The following C10orf67 variants were observed in gnomAD, a reference collection of about 807,000 sequenced individuals.
C10orf67 encodes uncharacterized protein C10orf67, mitochondrial.
A neutral mutation model predicts 35.6 loss-of-function variants in C10orf67; 60 were observed. The ratio of observed to expected loss-of-function variants is 1.68; its 90% confidence interval spans 1.37 to 2.09. The LOEUF is 2.09. Among genes scored for constraint, C10orf67 ranks in the 30% most tolerant of loss-of-function variants. C10orf67 has a pLI of 0.00. For synonymous variants in C10orf67, 167 were observed against 115.8 expected, an observed-to-expected ratio of 1.44 and a Z score of -2.84; for missense variants, 474 against 330.2, an observed-to-expected ratio of 1.44 and a Z score of -3.38.
chr10:23,294,256 G>A (rs758968594), intron 5 of C10orf67, among the ~76,000 whole-genome samples: 9 of 152,106 alleles, frequency 5.9e-5, no homozygotes, highest in East Asian at 5.8e-4. Context: ...AGATATGCTC[G>A]CAATGGAAGG....
chr10:23,249,334 G>A (rs111623351), intron 12 of C10orf67, among the ~76,000 whole-genome samples: 192 of 152,168 alleles, frequency 1.3e-3, no homozygotes, highest in African/African-American at 4.5e-3. Flanking sequence ...AGGAAATCAA[G>A]TGTATATTTA....
chr10:23,335,875 G>A (rs2132403443), intron 1 of C10orf67, among the ~76,000 whole-genome samples: 1 of 152,306 alleles, frequency 6.6e-6, no homozygotes, highest in Middle Eastern at 3.4e-3. Flanking sequence ...TACCTTAACA[G>A]TACCCTCAGC....
chr10:23,269,517 C>T (rs1185011217), intron 8 of C10orf67, among the ~76,000 whole-genome samples: 5 of 152,012 alleles, frequency 3.3e-5, no homozygotes, highest in African/African-American at 4.8e-5. Flanking sequence ...AAATAAATAA[C>T]GAAATAGTAG....
At chr10:23,266,547 G>T (rs1564479701) in intron 9 of C10orf67, 121 bp from the exon 10 acceptor site, 3 of 396,450 alleles carry the variant, frequency 7.6e-6, no homozygotes, top group Non-Finnish European at 1.3e-5. Context: ...TTCAGTCCTA[G>T]AGCGCATGGA....
At chr10:23,204,754 C>G (rs1841113304) in intron 15 of C10orf67, among the ~76,000 whole-genome samples, 1 of 152,092 alleles carries the variant, frequency 6.6e-6, no homozygotes, top group South Asian at 2.1e-4. Flanking sequence ...GGCTCTGAAA[C>G]TGGGGAATGG....
chr10:23,290,341 C>T lies in C10orf67; in HGVS notation c.851-383G>A, dbSNP rs137973654. Among the ~76,000 whole-genome samples, 7 of 152,290 alleles carry T rather than the reference C, an allele frequency of 4.6e-5. No homozygotes were observed. The East Asian group carries it at 9.6e-4, about 21-fold the overall frequency. ...TATGCCACAGCAGAAGAGAATGAGA[C>T]TATACTGGCATGGTAGAATTTTACA... On this transcript the variant is annotated intron_variant, in intron 6 of 15. Transcript: ENST00000636213.
chr10:23,210,745 T>G (rs1341358483), intron 15 of C10orf67, among the ~76,000 whole-genome samples: 1 of 152,194 alleles, frequency 6.6e-6, no homozygotes, highest in African/African-American at 2.4e-5. Context: ...TTATCAAACA[T>G]ATAGAGATCA....
intron 8 of C10orf67, among the ~76,000 whole-genome samples, chr10:23,273,594 T>C (rs1256550388): frequency 6.6e-6 from 1 of 152,208 alleles, no homozygotes; most frequent in East Asian, 1.9e-4. Flanking sequence ...ACAATCTCTC[T>C]TGATCTGAAG....
At chr10:23,314,472 A>G (rs950737686) in intron 4 of C10orf67, among the ~76,000 whole-genome samples, 3 of 143,748 alleles carry the variant, frequency 2.1e-5, no homozygotes, top group Non-Finnish European at 4.5e-5. Context: ...AAAGAAAAAA[A>G]ATTAAGTTAA....
chr10:23,248,562 G>C (rs191400002), intron 12 of C10orf67, among the ~76,000 whole-genome samples: 106 of 152,242 alleles, frequency 7.0e-4, no homozygotes, highest in African/African-American at 2.5e-3. Context: ...CTAAGGTGAG[G>C]TTTTTCATCT....
chr10:23,223,506 A>T, intron 15 of C10orf67, 92 bp downstream of exon 15: 1 of 700,246 alleles, frequency 1.4e-6, no homozygotes, highest in African/African-American at 1.8e-5. Flanking sequence ...CCAGAATACC[A>T]AATACCTCAG....
intron 2 of C10orf67, among the ~76,000 whole-genome samples, chr10:23,324,506 G>A (rs1845105710): frequency 6.6e-6 from 1 of 152,122 alleles, no homozygotes; most frequent in Non-Finnish European, 1.5e-5. Flanking sequence ...CAATAACTCT[G>A]GAAGTGCAGA....
At chr10:23,219,095 G>A (rs1588581828) in intron 15 of C10orf67, among the ~76,000 whole-genome samples, 2 of 152,194 alleles carry the variant, frequency 1.3e-5, no homozygotes, top group African/African-American at 4.8e-5. Flanking sequence ...TGGGTCCAAG[G>A]CTTCAAAGGG....
rs1841812097 is a variant in C10orf67 at position 23,228,578 on chromosome 10, A to C, written c.1435-4760T>G. Among the ~76,000 whole-genome samples the C allele has an allele frequency of 2.0e-5, 3 of 152,232 alleles. No homozygotes were observed. The South Asian group carries it at 6.2e-4, about 32-fold the overall frequency. The stretch of plus-strand genomic sequence containing the variant: ...CAAAAGCAATGGCAACAAAAGCCAA[A>C]ATTGATGAATGGGATCTGATTAAAC... On this transcript the variant is annotated intron_variant, in intron 13 of 15. Coordinates refer to ENST00000636213, the MANE Select transcript of C10orf67 (RefSeq NM_001371909.1).
chr10:23,328,026 A>G (rs1845265136), intron 2 of C10orf67, among the ~76,000 whole-genome samples: 1 of 152,194 alleles, frequency 6.6e-6, no homozygotes, highest in South Asian at 2.1e-4. Flanking sequence ...TAACTTTCTT[A>G]TTATACAGTT....
intron 5 of C10orf67, among the ~76,000 whole-genome samples, chr10:23,293,894 T>A (rs1564494305): frequency 6.6e-6 from 1 of 152,184 alleles, no homozygotes; most frequent in Non-Finnish European, 1.5e-5. Context: ...ACCTGGGAAC[T>A]GATTAGAAAT....
intron 1 of C10orf67, among the ~76,000 whole-genome samples, chr10:23,342,655 G>T (rs1036229358): frequency 6.6e-5 from 10 of 152,230 alleles, no homozygotes; most frequent in African/African-American, 2.4e-4. Flanking sequence ...GAACAGGGTA[G>T]ACGCTGTGTG....
At chr10:23,274,784 C>T (rs1843135644) in intron 8 of C10orf67, among the ~76,000 whole-genome samples, 2 of 152,004 alleles carry the variant, frequency 1.3e-5, no homozygotes, top group South Asian at 4.1e-4. Context: ...AATCCTATGC[C>T]TAGGATTTAA....
intron 5 of C10orf67, among the ~76,000 whole-genome samples, chr10:23,298,031 G>A (rs562061118): frequency 5.4e-4 from 82 of 152,172 alleles, no homozygotes; most frequent in African/African-American, 1.9e-3. Context: ...TGAGGTGGGC[G>A]GATCACAAGG....
Sources: allele counts gnomAD v4.1 joint callset (sites outside exome capture counted in the v4.1 genomes callset), GRCh38; gene constraint gnomAD v4.1.1; transcripts MANE v1.5; gene names NCBI Gene and HGNC (gene_info 2026-07-23, HGNC 2026-07-21).